The following ALK variants were observed in gnomAD, a reference collection of about 807,000 sequenced individuals.
ALK encodes the protein ALK receptor tyrosine kinase, also known as ALK tyrosine kinase receptor.
A neutral mutation model predicts 163.1 loss-of-function variants in ALK; 74 were observed. That is an observed-to-expected ratio of 0.45 (90% CI 0.38 to 0.55). The LOEUF (loss-of-function observed/expected upper bound fraction) is 0.55. ALK is among the 20% of genes least tolerant of loss of function. The probability of loss-of-function intolerance (pLI) is 0.00; values close to 1 mark genes in which losing one functional copy is unlikely to be tolerated. For synonymous variants in ALK, 960 were observed against 843.2 expected, an observed-to-expected ratio of 1.14 and a Z score of -2.40; for missense variants, 2,063 against 2,105.3, an observed-to-expected ratio of 0.98 and a Z score of 0.39.
chr2:29,695,151 A>T, intron 2 of ALK, 137 bp from the exon 3 acceptor site: 1 of 904,744 alleles, frequency 1.1e-6, no homozygotes, highest in South Asian at 1.4e-5. Flanking sequence ...AGTTGTCAAT[A>T]CCACAGGGCT....
chr2:29,335,803 G>A (rs1667593771), intron 5 of ALK, among the ~76,000 whole-genome samples: 1 of 152,114 alleles, frequency 6.6e-6, no homozygotes, highest in Admixed American at 6.6e-5. Context: ...ACTTTGGTGG[G>A]CTGAGGTAGG....
intron 4 of ALK, among the ~76,000 whole-genome samples, chr2:29,461,086 T>C (rs1251229841): frequency 6.6e-6 from 1 of 152,192 alleles, no homozygotes; most frequent in African/African-American, 2.4e-5. Flanking sequence ...AATATTCTCT[T>C]CAGCCAAAGC....
chr2:29,510,710 A>C (rs1672486934), intron 4 of ALK, among the ~76,000 whole-genome samples: 1 of 152,240 alleles, frequency 6.6e-6, no homozygotes, highest in African/African-American at 2.4e-5. Flanking sequence ...CTGAGGAAAC[A>C]GAGTATGGTT....
At chr2:29,744,238 A>C (rs1680144690) in intron 1 of ALK, among the ~76,000 whole-genome samples, 1 of 152,128 alleles carries the variant, frequency 6.6e-6, no homozygotes, top group Non-Finnish European at 1.5e-5. Context: ...TGGAAGAAAT[A>C]AGATCCCACT....
Position 29,920,846 on chromosome 2 carries a change from A to C in ALK, c.-187T>G. ...CTGCACGGAGGCGAGCAGGAGTCTAAATGAAACAGACCTGGAAGCTCAGGG... is the reference window on the plus strand; with the variant it reads ...CTGCACGGAGGCGAGCAGGAGTCTACATGAAACAGACCTGGAAGCTCAGGG... On this transcript the variant is annotated 5_prime_UTR_variant, in exon 1 of 29. In the 5' UTR this introduces an upstream ATG that the reference lacks. Transcript: ENST00000389048. 2 of 609,014 alleles carry C rather than the reference A, an allele frequency of 3.3e-6. No individual in the cohort carries two copies. Among genetic ancestry groups the C allele is most frequent in the Non-Finnish European group, 5.8e-6 (2 of 346,422 alleles). The allele number at this position is 609,014 out of a possible 1,614,324, so 37.7% of individuals were successfully genotyped here. A position where few individuals can be genotyped will look rare whatever the true frequency, so the allele number is the denominator to read the frequency against.
chr2:29,232,532 C>T, intron 14 of ALK, 84 bp from the exon 15 acceptor site: 2 of 1,583,286 alleles, frequency 1.3e-6, no homozygotes, highest in African/African-American at 1.3e-5. Flanking sequence ...TTCAACCTGA[C>T]TGAGGGTTTG....
Position 29,399,928 on chromosome 2 carries a change from G to T in ALK, c.1155-16069C>A, listed in dbSNP as rs139236377. On this transcript the variant is annotated intron_variant, in intron 4 of 28. Transcript: ENST00000389048. ...GAAGGAAATAAAAGCCCATTTTTTCGATAGGAAAAGACACAGACACTAGGA... is the reference window on the plus strand; with the variant it reads ...GAAGGAAATAAAAGCCCATTTTTTCTATAGGAAAAGACACAGACACTAGGA... Among the ~76,000 whole-genome samples, 503 of 152,182 alleles carry T rather than the reference G, an allele frequency of 3.3e-3. 3 individuals are homozygous for T. Among genetic ancestry groups the T allele is most frequent in the African/African-American group, 0.011 (447 of 41,546 alleles).
intron 3 of ALK, among the ~76,000 whole-genome samples, chr2:29,663,050 T>G (rs1259283450): frequency 6.6e-6 from 1 of 152,032 alleles, no homozygotes; most frequent in Non-Finnish European, 1.5e-5. Context: ...AGGCTAATAC[T>G]CCTTCCACTG....
intron 5 of ALK, among the ~76,000 whole-genome samples, chr2:29,377,517 C>T (rs1011585442): frequency 6.6e-5 from 10 of 151,112 alleles, no homozygotes. Context: ...TCAGACTGTC[C>T]AATGGTTCTT....
chr2:29,865,932 AG>A (rs1246218031), intron 1 of ALK, among the ~76,000 whole-genome samples: 1 of 152,180 alleles, frequency 6.6e-6, no homozygotes, highest in East Asian at 1.9e-4. Context: ...CCAGACACCA[AG>A]GGTCGCTGGG....
At chr2:29,289,963 G>A (rs764470737) in intron 9 of ALK, among the ~76,000 whole-genome samples, 58 of 152,144 alleles carry the variant, frequency 3.8e-4, no homozygotes, top group Admixed American at 2.6e-3. Context: ...TTGTCTTCCC[G>A]CCAGCCTCCC....
chr2:29,400,880 C>A (rs1352141325), intron 4 of ALK, among the ~76,000 whole-genome samples: 1 of 151,720 alleles, frequency 6.6e-6, no homozygotes, highest in Admixed American at 6.6e-5. Context: ...GAGGCTGAGG[C>A]AGGAGAATCA....
chr2:29,793,222 C>G (rs190340976), intron 1 of ALK, among the ~76,000 whole-genome samples: 2 of 152,160 alleles, frequency 1.3e-5, no homozygotes, highest in African/African-American at 2.4e-5. Flanking sequence ...ACATCTCATC[C>G]GTTCAAGTTT....
intron 1 of ALK, among the ~76,000 whole-genome samples, chr2:29,760,027 G>C (rs749843605): frequency 6.6e-6 from 1 of 152,058 alleles, no homozygotes. Context: ...TTCTCACAGA[G>C]GTAAAGTTAG....
chr2:29,549,396 T>A (rs570103285), intron 3 of ALK, among the ~76,000 whole-genome samples: 74 of 152,290 alleles, frequency 4.9e-4, no homozygotes, highest in Non-Finnish European at 9.4e-4. Flanking sequence ...TGGACAGCGT[T>A]TTATGATTTG....
At chr2:29,492,340 T>C (rs570939257) in intron 4 of ALK, among the ~76,000 whole-genome samples, 104 of 152,290 alleles carry the variant, frequency 6.8e-4, no homozygotes, top group African/African-American at 2.4e-3. Context: ...GACATGGAGC[T>C]AGCCACTGGG....
chr2:29,413,605 C>G (rs1385632385), intron 4 of ALK, among the ~76,000 whole-genome samples: 1 of 152,136 alleles, frequency 6.6e-6, no homozygotes, highest in Non-Finnish European at 1.5e-5. Flanking sequence ...AATCTCAGCT[C>G]ACTGCAACCT....
intron 5 of ALK, among the ~76,000 whole-genome samples, chr2:29,381,076 C>G (rs6547922): frequency 0.77 from 117,023 of 152,190 alleles, 45,165 homozygotes; most frequent in East Asian, 0.82. Flanking sequence ...GCAGCAGAGG[C>G]TAGTGGACAG....
intron 1 of ALK, among the ~76,000 whole-genome samples, chr2:29,772,633 G>GC (rs1478927131): frequency 6.6e-6 from 1 of 152,178 alleles, no homozygotes; most frequent in Non-Finnish European, 1.5e-5. Flanking sequence ...CTAGCTGTAT[G>GC]CCCCCCTAAA....
Sources: allele counts gnomAD v4.1 joint callset (sites outside exome capture counted in the v4.1 genomes callset), GRCh38; gene constraint gnomAD v4.1.1; transcripts MANE v1.5; gene names NCBI Gene and HGNC (gene_info 2026-07-23, HGNC 2026-07-21).